Variants in MALRD1 observed in about 807,000 individuals in gnomAD.
MALRD1 encodes the protein MAM and LDL-receptor class A domain-containing protein 1.
A neutral mutation model predicts 242.1 loss-of-function variants in MALRD1; 247 were observed. The observed-to-expected ratio is 1.02, with a 90% CI of 0.92 to 1.13. The LOEUF is 1.13. MALRD1 is among the 50% of genes most tolerant of loss of function. The pLI, the probability that MALRD1 is intolerant of heterozygous loss-of-function variation, is 0.00. For missense variants in MALRD1, 2,989 were observed against 2,533.1 expected (o/e 1.18, Z -3.86); for synonymous variants, 995 against 866.6 (o/e 1.15, Z -2.60).
chr10:19,705,067 T>G (rs1342397342), intron 38 of MALRD1, among the ~76,000 whole-genome samples: 1 of 152,172 alleles, frequency 6.6e-6, no homozygotes, highest in African/African-American at 2.4e-5. Context: ...TTGAGATTCT[T>G]GAATGGTTGG....
chr10:19,156,172 T>C (rs1834135643), intron 12 of MALRD1, among the ~76,000 whole-genome samples: 1 of 152,220 alleles, frequency 6.6e-6, no homozygotes, highest in Admixed American at 6.5e-5. Context: ...TGACATATTA[T>C]TCCGAGGTAT....
rs539378499 is a variant in MALRD1, at chr10:19,174,298, A to G, written c.1831-910A>G. ...TTTATGGCTGGCTCTCACAAAGGAA[A>G]GAGAGGGGAAGGCAGAGAGGGACTC... On this transcript the variant is annotated intron_variant, in intron 13 of 39. Coordinates refer to ENST00000454679, the MANE Select transcript of MALRD1 (RefSeq NM_001142308.3). 3.3e-5 allele frequency among the ~76,000 whole-genome samples: 5 copies of G among 152,256 alleles called. No homozygotes were observed. In the East Asian group the frequency reaches 9.7e-4, roughly 29 times the overall value.
At chr10:19,194,665 A>T (rs1448236744) in intron 14 of MALRD1, among the ~76,000 whole-genome samples, 1 of 152,058 alleles carries the variant, frequency 6.6e-6, no homozygotes, top group Non-Finnish European at 1.5e-5. Flanking sequence ...GCCTAAATAA[A>T]CATGCTGTTC....
intron 18 of MALRD1, among the ~76,000 whole-genome samples, chr10:19,227,766 A>C (rs750290352): frequency 4.6e-5 from 7 of 152,190 alleles, no homozygotes; most frequent in Non-Finnish European, 7.3e-5. Context: ...CAAAACACAG[A>C]TAACTCATTT....
At chr10:19,276,933 G>A (rs1840557259) in intron 19 of MALRD1, among the ~76,000 whole-genome samples, 1 of 151,394 alleles carries the variant, frequency 6.6e-6, no homozygotes, top group Admixed American at 6.6e-5. Context: ...GGGTTGGGGG[G>A]TGGGAAGGTG....
intron 36 of MALRD1, among the ~76,000 whole-genome samples, chr10:19,676,308 G>A (rs1842136848): frequency 6.6e-6 from 1 of 152,304 alleles, no homozygotes. Flanking sequence ...TCAGAGCCTG[G>A]TACAGTACTA....
At chr10:19,357,729 T>C (rs1844699917) in intron 26 of MALRD1, among the ~76,000 whole-genome samples, 1 of 152,174 alleles carries the variant, frequency 6.6e-6, no homozygotes, top group Non-Finnish European at 1.5e-5. Flanking sequence ...AATGGCATTA[T>C]GTTCTAGCAA....
Position 19,202,386 on chromosome 10 carries a change from A to G in MALRD1, c.1952-1342A>G, listed in dbSNP as rs1310037677. 2.0e-5 allele frequency among the ~76,000 whole-genome samples: 3 copies of G among 152,196 alleles called. 1 individual carries two copies. The highest frequency in any genetic ancestry group is 2.0e-4 in the Admixed American group (3 of 15,274). On this transcript the variant is annotated intron_variant, in intron 14 of 39. Transcript: ENST00000454679. ...ATTTCATAGAAAGTATAAAAAACTT[A>G]TAAGTTGTTTGTAATATTATTACCT...
intron 28 of MALRD1, among the ~76,000 whole-genome samples, chr10:19,445,458 G>A (rs2131010841): frequency 6.6e-6 from 1 of 152,226 alleles, no homozygotes; most frequent in South Asian, 2.1e-4. Context: ...ATCTACCTTT[G>A]GTCTTTGATG....
At chr10:19,230,038 G>A (rs368807132) in intron 18 of MALRD1, among the ~76,000 whole-genome samples, 5 of 152,172 alleles carry the variant, frequency 3.3e-5, no homozygotes, top group African/African-American at 1.2e-4. Flanking sequence ...AGATCTGATG[G>A]TTTTATAAGG....
At chr10:19,515,092 A>AG (rs1049914627) in intron 31 of MALRD1, among the ~76,000 whole-genome samples, 1 of 151,884 alleles carries the variant, frequency 6.6e-6, no homozygotes, top group African/African-American at 2.4e-5. Flanking sequence ...AAAAAAAAAA[A>AG]TCTTTTTTAC....
chr10:19,165,428 G>T (rs909592870), intron 12 of MALRD1, among the ~76,000 whole-genome samples: 2 of 151,178 alleles, frequency 1.3e-5, no homozygotes, highest in African/African-American at 4.9e-5. Context: ...TCAGCCTTCC[G>T]AATAGCTGGG....
intron 38 of MALRD1, among the ~76,000 whole-genome samples, chr10:19,694,011 C>G (rs1308618016): frequency 1.3e-5 from 2 of 152,130 alleles, no homozygotes; most frequent in Non-Finnish European, 2.9e-5. Flanking sequence ...GCTGGGAAAA[C>G]TGGCTAGCCA....
At chr10:19,111,522 T>C (rs1451972563) in intron 5 of MALRD1, among the ~76,000 whole-genome samples, 2 of 151,950 alleles carry the variant, frequency 1.3e-5, no homozygotes, top group East Asian at 3.9e-4. Flanking sequence ...TCAATGCATA[T>C]GGAAAGTAGA....
At chr10:19,588,124 A>T (rs1647168030) in intron 33 of MALRD1, among the ~76,000 whole-genome samples, 1 of 152,098 alleles carries the variant, frequency 6.6e-6, no homozygotes, top group Non-Finnish European at 1.5e-5. Flanking sequence ...ACTTAATTAT[A>T]AGTTTATATT....
intron 32 of MALRD1, among the ~76,000 whole-genome samples, chr10:19,552,701 T>A (rs1219271728): frequency 6.8e-6 from 1 of 146,424 alleles, no homozygotes; most frequent in Non-Finnish European, 1.5e-5. Flanking sequence ...CGTAGAAATA[T>A]TTTTTAATTT....
intron 29 of MALRD1, among the ~76,000 whole-genome samples, chr10:19,454,757 G>A (rs992049199): frequency 3.4e-5 from 5 of 146,760 alleles, no homozygotes; most frequent in Non-Finnish European, 6.0e-5. Context: ...CACATTATAT[G>A]TACCGTAATA....
intron 29 of MALRD1, among the ~76,000 whole-genome samples, chr10:19,473,487 TC>T (rs1836592048): frequency 6.7e-6 from 1 of 150,250 alleles, no homozygotes; most frequent in East Asian, 1.9e-4. Context: ...ATTTTCTCCT[TC>T]CCCAGCCCCT....
At chr10:19,104,821 A>T (rs372054677) in intron 5 of MALRD1, among the ~76,000 whole-genome samples, 2 of 152,078 alleles carry the variant, frequency 1.3e-5, no homozygotes, top group African/African-American at 4.8e-5. Context: ...ACAAGAAGAG[A>T]TGTCTTCATC....
Sources: gnomAD v4.1 joint callset for allele counts (sites outside exome capture counted in the v4.1 genomes callset) on GRCh38, gnomAD v4.1.1 for gene constraint, MANE v1.5 for transcripts, NCBI Gene and HGNC (gene_info 2026-07-23, HGNC 2026-07-21) for gene names.